CLNS1A: variants seen among roughly 807,000 people sequenced by gnomAD.
CLNS1A encodes chloride nucleotide-sensitive channel 1A.
CLNS1A carries 16 observed loss-of-function variants against 29.4 expected under a neutral mutation model. That is an observed-to-expected ratio of 0.54 (90% CI 0.37 to 0.83). The LOEUF is 0.83. CLNS1A is among the 40% of genes least tolerant of loss of function. The probability of loss-of-function intolerance (pLI) is 0.00; values close to 1 mark genes in which losing one functional copy is unlikely to be tolerated. For synonymous variants in CLNS1A, 96 were observed against 104.8 expected, an observed-to-expected ratio of 0.92 and a Z score of 0.51; for missense variants, 235 against 287.4, an observed-to-expected ratio of 0.82 and a Z score of 1.32.
chr11:77,619,407 C>T (rs1958934840), intron 6 of CLNS1A, 199 bp downstream of exon 6: 1 of 532,604 alleles, frequency 1.9e-6, no homozygotes, highest in Admixed American at 3.3e-5. Flanking sequence ...AAGCATGTGC[C>T]TATAGTCCCA....
chr11:77,637,557 CAGG>C, intron 1 of CLNS1A, 30 bp downstream of exon 1: 1 of 1,579,300 alleles, frequency 6.3e-7, no homozygotes, highest in South Asian at 1.2e-5. Context: ...GGGCGGCGCG[CAGG>C]AGGCCAGCGC....
At chr11:77,616,819 C>A (rs1413055217) in intron 6 of CLNS1A, 124 bp from the exon 7 acceptor site, 1 of 152,178 alleles carries the variant, frequency 6.6e-6, no homozygotes, top group Non-Finnish European at 1.5e-5. Context: ...TGCAACAACC[C>A]TGCAAGGTAG....
In CLNS1A at chr11:77,615,669, T is replaced by G. The variant is rs186202808; in HGVS notation, c.*1049A>C. The G allele has an allele frequency of 1.3e-5, 2 of 151,722 alleles. No homozygotes were observed. The highest frequency in any genetic ancestry group is 6.6e-5 in the Admixed American group (1 of 15,204). The allele number at this position is 151,722 out of a possible 1,614,324, so 9.4% of individuals were successfully genotyped here. A position where few individuals can be genotyped will look rare whatever the true frequency, so the allele number is the denominator to read the frequency against. On this transcript the variant is annotated 3_prime_UTR_variant, in exon 7 of 7. Coordinates refer to ENST00000525428, the MANE Select transcript of CLNS1A (RefSeq NM_001293.3). ...GTCTGGTTAGAAAAAGGAAAATTCG[T>G]TTTTTTTCAGTCTACCTTGCAAGAT... is the stretch of plus-strand genomic sequence containing the variant.
rs184289927 is a variant in CLNS1A, at chr11:77,623,193, C to T, written c.473-520G>A. 3.9e-5 allele frequency among the ~76,000 whole-genome samples: 6 copies of T among 152,110 alleles called. No individual in the cohort carries two copies. In the East Asian group the frequency reaches 1.2e-3, roughly 29 times the overall value. ...AGTGTGTTCCTAAGGTCAGAGAGTC[C>T]TACATTATCCTGAGGTGGGAATTTT... On this transcript the variant is annotated intron_variant, in intron 4 of 6. Transcript: ENST00000525428.
chr11:77,631,851 C>T (rs1273008510), intron 1 of CLNS1A, among the ~76,000 whole-genome samples: 2 of 152,160 alleles, frequency 1.3e-5, no homozygotes, highest in Non-Finnish European at 2.9e-5. Flanking sequence ...GATTCTCCTG[C>T]CTCAGCCTCC....
intron 1 of CLNS1A, among the ~76,000 whole-genome samples, chr11:77,637,193 C>T (rs1202819021): frequency 1.1e-4 from 13 of 123,208 alleles, no homozygotes; most frequent in Middle Eastern, 4.8e-3. Context: ...TAAAACCAGA[C>T]CGTGCGTTAA....
At chr11:77,626,911 G>A (rs1959025914) in intron 2 of CLNS1A, among the ~76,000 whole-genome samples, 7 of 149,392 alleles carry the variant, frequency 4.7e-5, no homozygotes, top group Admixed American at 4.7e-4. Flanking sequence ...TAGCCAGAAT[G>A]GTCTTGATCT....
intron 1 of CLNS1A, among the ~76,000 whole-genome samples, chr11:77,635,239 G>A (rs1194514566): frequency 3.3e-5 from 5 of 151,804 alleles, no homozygotes; most frequent in African/African-American, 1.2e-4. Flanking sequence ...ATTCTCAAAT[G>A]GCTCAGAAAA....
At chr11:77,626,482 T>C (rs1959020835) in intron 2 of CLNS1A, among the ~76,000 whole-genome samples, 1 of 151,916 alleles carries the variant, frequency 6.6e-6, no homozygotes, top group Non-Finnish European at 1.5e-5. Flanking sequence ...CTACTAAAAA[T>C]ACAAAAATTA....
At chr11:77,637,057 AG>A (rs145306013) in intron 1 of CLNS1A, among the ~76,000 whole-genome samples, 2,271 of 151,944 alleles carry the variant, frequency 0.015, 57 homozygotes, top group African/African-American at 0.051. Flanking sequence ...TACCTACAGA[AG>A]AAAATCTTTA....
chr11:77,633,539 C>T (rs1375504102), intron 1 of CLNS1A, among the ~76,000 whole-genome samples: 3 of 152,122 alleles, frequency 2.0e-5, no homozygotes, highest in East Asian at 1.9e-4. Flanking sequence ...ATGTAGAGAA[C>T]ATGTTTTGCT....
chr11:77,633,084 C>CA (rs887085397), intron 1 of CLNS1A, among the ~76,000 whole-genome samples: 13,289 of 54,788 alleles, frequency 0.24, 1,212 homozygotes, highest in African/African-American at 0.32. Context: ...GACTCCATCT[C>CA]AAAAAAAAAA....
At chr11:77,624,334 T>C (rs547698848) in intron 4 of CLNS1A, among the ~76,000 whole-genome samples, 1 of 152,176 alleles carries the variant, frequency 6.6e-6, no homozygotes, top group African/African-American at 2.4e-5. Context: ...GAGAAGCTTG[T>C]TCTCTGGGGG....
At chr11:77,622,409 T>C (rs1958968001) in intron 5 of CLNS1A, 91 bp downstream of exon 5, 2 of 889,520 alleles carry the variant, frequency 2.2e-6, no homozygotes, top group African/African-American at 1.7e-5. Context: ...GTCAATTCTT[T>C]CTCTTAGTTA....
At chr11:77,625,378 C>T in intron 3 of CLNS1A, 1 of 445,682 alleles carries the variant, frequency 2.2e-6, no homozygotes, top group Admixed American at 4.0e-5. Context: ...TCTTTCCAGC[C>T]ATCCTGAGAT....
chr11:77,620,475 G>A (rs1958945831), intron 5 of CLNS1A, among the ~76,000 whole-genome samples: 1 of 152,160 alleles, frequency 6.6e-6, no homozygotes, highest in South Asian at 2.1e-4. Flanking sequence ...TATCAGCAGT[G>A]TGAAAACAGA....
intron 5 of CLNS1A, 103 bp downstream of exon 5, chr11:77,622,397 G>A (rs1411057482): frequency 9.1e-6 from 7 of 770,024 alleles, no homozygotes; most frequent in Non-Finnish European, 1.4e-5. Flanking sequence ...ATACTATAGA[G>A]AGTCAATTCT....
intron 6 of CLNS1A, among the ~76,000 whole-genome samples, chr11:77,617,768 A>G (rs1958919556): frequency 6.6e-6 from 1 of 151,686 alleles, no homozygotes; most frequent in Non-Finnish European, 1.5e-5. Context: ...AAATACAAAA[A>G]TTAGCCAGGC....
intron 6 of CLNS1A, among the ~76,000 whole-genome samples, chr11:77,618,016 T>C (rs1280998297): frequency 6.6e-6 from 1 of 152,034 alleles, no homozygotes; most frequent in East Asian, 1.9e-4. Context: ...ACAAAGCTCA[T>C]TAAAAAGTTT....
Sources: allele counts gnomAD v4.1 joint callset (sites outside exome capture counted in the v4.1 genomes callset), GRCh38; gene constraint gnomAD v4.1.1; transcripts MANE v1.5; gene names NCBI Gene and HGNC (gene_info 2026-07-23, HGNC 2026-07-21).